NPAT: variants seen among roughly 807,000 people sequenced by gnomAD.
NPAT encodes the protein nuclear protein, coactivator of histone transcription.
Under a neutral mutation model 130.7 loss-of-function variants are expected in NPAT, and 52 were observed. The ratio of observed to expected loss-of-function variants is 0.40; its 90% CI spans 0.32 to 0.50. The LOEUF (loss-of-function observed/expected upper bound fraction) is 0.50. Ranked by LOEUF, NPAT falls within the 20% of genes least tolerant of loss-of-function variation. The probability of loss-of-function intolerance (pLI) is 0.68; values close to 1 mark genes in which losing one functional copy is unlikely to be tolerated. For missense variants in NPAT, 1,687 were observed against 1,662.6 expected (o/e 1.01, Z -0.26); for synonymous variants, 580 against 584.8 (o/e 0.99, Z 0.12).
At chr11:108,189,060 C>T (rs1270998045) in intron 6 of NPAT, 46 bp downstream of exon 6, 1 of 1,452,478 alleles carries the variant, frequency 6.9e-7, no homozygotes, top group Non-Finnish European at 9.7e-7. Context: ...CTCATTCATA[C>T]AATTTGATTA....
intron 3 of NPAT, 128 bp from the exon 4 acceptor site, chr11:108,192,318 T>C (rs2134867842): frequency 1.4e-6 from 1 of 731,726 alleles, no homozygotes; most frequent in East Asian, 2.6e-5. Flanking sequence ...GAGAAATAAA[T>C]CTATGTTGTA....
At chr11:108,166,184 G>A (rs2077901144) in intron 15 of NPAT, among the ~76,000 whole-genome samples, 1 of 151,922 alleles carries the variant, frequency 6.6e-6, no homozygotes, top group East Asian at 2.0e-4. Flanking sequence ...AAGAGGTCAG[G>A]AGTTCAAGAC....
intron 1 of NPAT, among the ~76,000 whole-genome samples, chr11:108,202,305 T>A (rs768960302): frequency 5.9e-5 from 9 of 152,008 alleles, no homozygotes; most frequent in African/African-American, 2.2e-4. Context: ...ACAGATGAAA[T>A]AGCTGAGGGA....
intron 5 of NPAT, among the ~76,000 whole-genome samples, chr11:108,189,673 A>G (rs922898986): frequency 1.3e-5 from 2 of 151,668 alleles, no homozygotes; most frequent in Non-Finnish European, 2.9e-5. Flanking sequence ...GATCGAGACC[A>G]TCCTGGCTAA....
chr11:108,193,480 C>T lies in NPAT; in HGVS notation c.217+477G>A, dbSNP rs556165608. Among the ~76,000 whole-genome samples the T allele has an allele frequency of 1.2e-4, 19 of 152,280 alleles. No homozygotes were observed. The South Asian group carries it at 3.7e-3, about 30-fold the overall frequency. On this transcript the variant is annotated intron_variant, in intron 3 of 17. Coordinates refer to ENST00000278612, the MANE Select transcript of NPAT (RefSeq NM_002519.3). ...GTGGCTCACACCTGTAATCCCAGCA[C>T]TTTGGGAGGCCGAGGTGGGTGGATC... is the stretch of plus-strand genomic sequence containing the variant.
At chr11:108,185,037 A>G (rs1190724023) in intron 10 of NPAT, among the ~76,000 whole-genome samples, 195 bp downstream of exon 10, 1 of 152,216 alleles carries the variant, frequency 6.6e-6, no homozygotes, top group Non-Finnish European at 1.5e-5. Flanking sequence ...TCATCATCCA[A>G]TGTGTTTTTC....
intron 17 of NPAT, among the ~76,000 whole-genome samples, chr11:108,159,969 G>A (rs899766740): frequency 1.3e-5 from 2 of 152,018 alleles, no homozygotes; most frequent in Non-Finnish European, 2.9e-5. Flanking sequence ...TGGCCAACAC[G>A]GTGAAACCCC....
chr11:108,206,200 C>G (rs2078323690), intron 1 of NPAT, among the ~76,000 whole-genome samples: 1 of 152,074 alleles, frequency 6.6e-6, no homozygotes, highest in African/African-American at 2.4e-5. Context: ...AAACATGATC[C>G]AACTATATGC....
At chr11:108,204,783 G>A (rs192434392) in intron 1 of NPAT, among the ~76,000 whole-genome samples, 209 of 152,312 alleles carry the variant, frequency 1.4e-3, no homozygotes, top group Non-Finnish European at 1.5e-3. Context: ...ATGGCACGAA[G>A]GAGACAGAGT....
intron 2 of NPAT, 123 bp from the exon 3 acceptor site, chr11:108,194,140 G>A: frequency 4.8e-6 from 3 of 630,108 alleles, no homozygotes; most frequent in African/African-American, 3.7e-5. Flanking sequence ...TGAGGAAAGG[G>A]TAAAGAAGCA....
chr11:108,162,478 T>G (rs556546470), intron 15 of NPAT, among the ~76,000 whole-genome samples: 1 of 152,360 alleles, frequency 6.6e-6, no homozygotes, highest in African/African-American at 2.4e-5. Flanking sequence ...TCACCCAGGC[T>G]GGAGCGCAGT....
intron 10 of NPAT, among the ~76,000 whole-genome samples, chr11:108,182,548 A>T (rs1334537974): frequency 6.6e-6 from 1 of 152,228 alleles, no homozygotes. Context: ...CCTACGCTGG[A>T]GTGCAGTGGC....
In NPAT at chr11:108,161,261, T is replaced by G. The variant is rs537128518; in HGVS notation, c.3825A>C (p.Ala1275=). 8.1e-6 allele frequency: 13 copies of G among 1,614,182 alleles called. No homozygotes were observed. The South Asian group carries it at 1.4e-4, about 18-fold the overall frequency. The change falls in exon 17 of 18, where the codon GCA becomes GCC. Residue 1275 remains alanine (A), a synonymous_variant. Coordinates refer to ENST00000278612, the MANE Select transcript of NPAT (RefSeq NM_002519.3). ...TAGGTTCTTCTTTATGTTTTTCCCCTGCCCCTGAGCCAGGTGTCCGGGGCA... is the reference window on the plus strand; with the variant it reads ...TAGGTTCTTCTTTATGTTTTTCCCCGGCCCCTGAGCCAGGTGTCCGGGGCA... ...LPVPRTPGSG[A]GEKHKEEPID...
Position 108,172,883 on chromosome 11 carries a change from G to A in NPAT, c.2101C>T (p.Leu701Phe), listed in dbSNP as rs1336201206. The change falls in exon 13 of 18, where the codon CTT (leucine) becomes TTT (phenylalanine). Residue 701 changes from leucine (L) to phenylalanine (F), a missense_variant. Physicochemically the swap from Leu to Phe is conservative, Grantham distance 22. Transcript: ENST00000278612. ...GAAGAACACACAGATTCTGGAGGAA[G>A]AGAGTGACTGTTTTCTACAGGAGTG... ...EGTPVENSHS[L>F]PPESVCSSVG... The A allele has an allele frequency of 1.2e-6, 2 of 1,614,116 alleles. No individual in the cohort carries two copies. The highest frequency in any genetic ancestry group is 8.5e-7 in the Non-Finnish European group (1 of 1,180,024).
At chr11:108,218,486 A>T (rs1393369326) in intron 1 of NPAT, among the ~76,000 whole-genome samples, 1 of 152,238 alleles carries the variant, frequency 6.6e-6, no homozygotes, top group Non-Finnish European at 1.5e-5. Context: ...CATGCAAATA[A>T]TTCTTAGGAA....
chr11:108,186,607 T>C (rs370014766), intron 7 of NPAT, 38 bp from the exon 8 acceptor site: 3 of 1,494,854 alleles, frequency 2.0e-6, no homozygotes, highest in African/African-American at 1.4e-5. Flanking sequence ...TTAACCACTA[T>C]ATTTAACAGA....
chr11:108,216,187 C>T (rs575938867), intron 1 of NPAT, among the ~76,000 whole-genome samples: 3 of 152,260 alleles, frequency 2.0e-5, no homozygotes, highest in East Asian at 3.9e-4. Context: ...AAATATACTT[C>T]CTTTTCATGG....
At chr11:108,175,345 C>T (rs955853116) in intron 12 of NPAT, among the ~76,000 whole-genome samples, 3 of 152,142 alleles carry the variant, frequency 2.0e-5, no homozygotes, top group African/African-American at 7.2e-5. Context: ...GGAATATATC[C>T]CCCATAGATA....
chr11:108,179,478 G>C (rs2078038701), intron 10 of NPAT, among the ~76,000 whole-genome samples: 1 of 152,124 alleles, frequency 6.6e-6, no homozygotes, highest in Admixed American at 6.6e-5. Context: ...GACCTCAAGT[G>C]ACCCTCCCGC....
Sources: gnomAD v4.1 joint callset for allele counts (sites outside exome capture counted in the v4.1 genomes callset) on GRCh38, gnomAD v4.1.1 for gene constraint, MANE v1.5 for transcripts, NCBI Gene and HGNC (gene_info 2026-07-23, HGNC 2026-07-21) for gene names.